LHFPL3: variants seen among roughly 807,000 people sequenced by gnomAD.
LHFPL3 encodes LHFPL tetraspan subfamily member 3 protein.
A neutral mutation model predicts 19.3 loss-of-function variants in LHFPL3; 5 were observed. The observed-to-expected ratio is 0.26, with a 90% CI of 0.14 to 0.54. The LOEUF (loss-of-function observed/expected upper bound fraction) is 0.54, where lower values mean the gene tolerates loss of function less well. Ranked by LOEUF, LHFPL3 falls within the 20% of genes least tolerant of loss-of-function variation. LHFPL3 has a pLI of 0.94. For synonymous variants in LHFPL3, 133 were observed against 126.2 expected (o/e 1.05, Z -0.36); for missense variants, 249 against 307.4 (o/e 0.81, Z 1.42).
At chr7:104,373,260 T>C (rs1790648256) in intron 1 of LHFPL3, among the ~76,000 whole-genome samples, 2 of 152,168 alleles carry the variant, frequency 1.3e-5, no homozygotes, top group South Asian at 4.1e-4. Flanking sequence ...TGAATTTTAA[T>C]TGGAAAAGAT....
At chr7:104,445,470 TAATC>T (rs559696612) in intron 1 of LHFPL3, among the ~76,000 whole-genome samples, 11 of 152,176 alleles carry the variant, frequency 7.2e-5, no homozygotes, top group Admixed American at 1.3e-4. Context: ...TTAAATGCAG[TAATC>T]AATCCAGTTA....
At chr7:104,678,952 A>C (rs570504319) in intron 1 of LHFPL3, among the ~76,000 whole-genome samples, 1 of 152,384 alleles carries the variant, frequency 6.6e-6, no homozygotes, top group Admixed American at 6.5e-5. Flanking sequence ...AAAGTAAAAA[A>C]GAATATCTTT....
chr7:104,887,854 G>A (rs1318602407), intron 2 of LHFPL3, among the ~76,000 whole-genome samples: 1 of 152,254 alleles, frequency 6.6e-6, no homozygotes, highest in Non-Finnish European at 1.5e-5. Flanking sequence ...TTTAGAAGCA[G>A]GTCATCTTGG....
intron 1 of LHFPL3, among the ~76,000 whole-genome samples, chr7:104,558,477 C>G (rs1044118986): frequency 6.6e-6 from 1 of 152,110 alleles, no homozygotes; most frequent in Admixed American, 6.5e-5. Context: ...CAAATGTCTT[C>G]TTTTGAGAAG....
At chr7:104,453,710 C>G (rs1282543101) in intron 1 of LHFPL3, among the ~76,000 whole-genome samples, 1 of 152,006 alleles carries the variant, frequency 6.6e-6, no homozygotes, top group Non-Finnish European at 1.5e-5. Flanking sequence ...ATCATAGGGG[C>G]GGGTCCCTCA....
In LHFPL3 at chr7:104,736,868, A is replaced by G. The variant is rs894427739; in HGVS notation, c.639A>G (p.Arg213=). ...TTCTAGCATTTGTGCTTGGTAATCG[A>G]CAAGACAGCTTGATGGCAGAGGAAC... ...LSFLAFVLGN[R]QDSLMAEELK... The change falls in exon 2 of 3, where the codon CGA becomes CGG. Residue 213 remains arginine (R), a synonymous_variant. Coordinates refer to ENST00000424859, the MANE Select transcript of LHFPL3 (RefSeq NM_199000.3). 2 of 1,611,404 alleles carry G rather than the reference A, an allele frequency of 1.2e-6. No individual in the cohort carries two copies. The highest frequency in any genetic ancestry group is 1.7e-6 in the Non-Finnish European group (2 of 1,178,798).
intron 2 of LHFPL3, among the ~76,000 whole-genome samples, chr7:104,807,763 C>G (rs1263426569): frequency 1.3e-5 from 2 of 152,228 alleles, no homozygotes; most frequent in Non-Finnish European, 2.9e-5. Flanking sequence ...AAGATGTAAA[C>G]AGTCACCACA....
intron 1 of LHFPL3, among the ~76,000 whole-genome samples, chr7:104,712,777 AG>A (rs1410186644): frequency 6.6e-6 from 1 of 152,226 alleles, no homozygotes; most frequent in Admixed American, 6.5e-5. Context: ...TGTTGTTTTA[AG>A]CCACCAAGTT....
chr7:104,554,957 T>C (rs1250989390), intron 1 of LHFPL3, among the ~76,000 whole-genome samples: 2 of 152,176 alleles, frequency 1.3e-5, no homozygotes, highest in Non-Finnish European at 2.9e-5. Flanking sequence ...GAGAAGATGG[T>C]GTCCCAGCTC....
At chr7:104,668,729 C>A (rs1012626392) in intron 1 of LHFPL3, 57 of 1,502,838 alleles carry the variant, frequency 3.8e-5, no homozygotes, top group Non-Finnish European at 4.4e-5. Flanking sequence ...CCCCCCCCCC[C>A]AAAGACCCAA....
intron 1 of LHFPL3, among the ~76,000 whole-genome samples, chr7:104,470,910 T>C (rs1792894842): frequency 6.6e-6 from 1 of 152,104 alleles, no homozygotes; most frequent in Non-Finnish European, 1.5e-5. Context: ...AACCTACATA[T>C]CACATCCAGG....
intron 1 of LHFPL3, among the ~76,000 whole-genome samples, chr7:104,510,617 T>G (rs1215141655): frequency 6.6e-6 from 1 of 152,154 alleles, no homozygotes; most frequent in Non-Finnish European, 1.5e-5. Context: ...CTTTGTAATC[T>G]AGGGCTAGGC....
chr7:104,582,115 T>A (rs570456790), intron 1 of LHFPL3, among the ~76,000 whole-genome samples: 1 of 151,976 alleles, frequency 6.6e-6, no homozygotes, highest in Non-Finnish European at 1.5e-5. Flanking sequence ...TATTTAGTGT[T>A]CTTGAATTTC....
At chr7:104,865,751 G>A (rs1193962821) in intron 2 of LHFPL3, among the ~76,000 whole-genome samples, 1 of 152,110 alleles carries the variant, frequency 6.6e-6, no homozygotes, top group African/African-American at 2.4e-5. Context: ...CTCGAGAAGA[G>A]CAACTCCAAG....
At chr7:104,546,555 T>C (rs1794581003) in intron 1 of LHFPL3, among the ~76,000 whole-genome samples, 2 of 152,088 alleles carry the variant, frequency 1.3e-5, no homozygotes, top group South Asian at 4.1e-4. Flanking sequence ...AAGGAAGGAG[T>C]CCCTCATTGT....
At chr7:104,845,274 G>A (rs1791292217) in intron 2 of LHFPL3, 4 of 721,594 alleles carry the variant, frequency 5.5e-6, no homozygotes, top group Admixed American at 2.0e-5. Context: ...TCTGCACACC[G>A]TCAATGGAAT....
chr7:104,731,984 T>C (rs565772200), intron 1 of LHFPL3, among the ~76,000 whole-genome samples: 118 of 152,342 alleles, frequency 7.7e-4, no homozygotes, highest in African/African-American at 2.8e-3. Flanking sequence ...GAGATAATCA[T>C]GTGTTTTTTG....
chr7:104,364,962 G>C (rs6953110), intron 1 of LHFPL3, among the ~76,000 whole-genome samples: 7,439 of 152,250 alleles, frequency 0.049, 599 homozygotes, highest in African/African-American at 0.17. Context: ...GAGATACTGA[G>C]GGTGCAGGAG....
chr7:104,782,195 C>T (rs529158073), intron 2 of LHFPL3, among the ~76,000 whole-genome samples: 5 of 152,266 alleles, frequency 3.3e-5, no homozygotes, highest in Non-Finnish European at 5.9e-5. Flanking sequence ...ATTGGGATTC[C>T]GTTCCTTTCC....
Sources: gnomAD v4.1 joint callset for allele counts (sites outside exome capture counted in the v4.1 genomes callset) on GRCh38, gnomAD v4.1.1 for gene constraint, MANE v1.5 for transcripts, NCBI Gene and HGNC (gene_info 2026-07-23, HGNC 2026-07-21) for gene names.